SEPTIN6: variants seen among roughly 807,000 people sequenced by gnomAD.
SEPTIN6 encodes septin-6.
A neutral mutation model predicts 33.6 loss-of-function variants in SEPTIN6; 8 were observed. That is an observed-to-expected ratio of 0.24 (90% CI 0.14 to 0.43). The LOEUF (loss-of-function observed/expected upper bound fraction) is 0.43. Ranked by LOEUF, SEPTIN6 falls within the 20% of genes least tolerant of loss-of-function variation. The pLI, the probability that SEPTIN6 is intolerant of heterozygous loss-of-function variation, is 1.00. For synonymous variants in SEPTIN6, 131 were observed against 140.0 expected, an observed-to-expected ratio of 0.94 and a Z score of 0.45; for missense variants, 250 against 340.8, an observed-to-expected ratio of 0.73 and a Z score of 2.10.
intron 3 of SEPTIN6, among the ~76,000 whole-genome samples, chrX:119,661,301 C>T (rs376451744): frequency 3.7e-5 from 4 of 107,327 alleles, no homozygotes; most frequent in Admixed American, 1.0e-4. Context: ...TGTGGTGGCA[C>T]GAGCCTGTAG....
chrX:119,633,570 T>C, intron 7 of SEPTIN6, 78 bp from the exon 8 acceptor site: 4 of 1,085,860 alleles, frequency 3.7e-6, no homozygotes, highest in Non-Finnish European at 4.9e-6. Context: ...AGATCCTCAC[T>C]GGGTTCCTCT....
At chrX:119,688,982 C>A (rs1218312218) in intron 1 of SEPTIN6, among the ~76,000 whole-genome samples, 1 of 110,794 alleles carries the variant, frequency 9.0e-6, no homozygotes, top group African/African-American at 3.3e-5. Flanking sequence ...GGGTAACTGC[C>A]ACGTGATGAT....
chrX:119,686,521 TGAG>T (rs1418176733), intron 1 of SEPTIN6: 2 of 795,032 alleles, frequency 2.5e-6, no homozygotes, highest in African/African-American at 4.3e-5. Context: ...CTGCCTCTAA[TGAG>T]AAGACACTGA....
intron 5 of SEPTIN6, among the ~76,000 whole-genome samples, chrX:119,645,144 G>T (rs5957197): frequency 0.2 from 21,541 of 107,982 alleles, 1,681 homozygotes; most frequent in South Asian, 0.23. Context: ...CTGACCTTGG[G>T]TGATCCACCC....
intron 1 of SEPTIN6, among the ~76,000 whole-genome samples, chrX:119,678,810 CT>C (rs2054893630): frequency 9.0e-6 from 1 of 111,118 alleles, no homozygotes; most frequent in Non-Finnish European, 1.9e-5. Context: ...GTTATCACCC[CT>C]GGCTGCCTCT....
At chrX:119,687,255 T>TC (rs67188076) in intron 1 of SEPTIN6, among the ~76,000 whole-genome samples, 1 of 104,120 alleles carries the variant, frequency 9.6e-6, no homozygotes, top group African/African-American at 3.5e-5. Flanking sequence ...TGTCTTTTTT[T>TC]TTTTTTCTTT....
At chrX:119,639,587 T>C (rs2054119302) in intron 6 of SEPTIN6, among the ~76,000 whole-genome samples, 1 of 111,932 alleles carries the variant, frequency 8.9e-6, no homozygotes, top group Admixed American at 9.5e-5. Context: ...GGTTAAACAT[T>C]ACCAGTACCT....
chrX:119,617,646 T>A lies in SEPTIN6; in HGVS notation c.*2447A>T. 1 of 804,943 alleles carries A rather than the reference T, an allele frequency of 1.2e-6. No individual in the cohort carries two copies. The highest frequency in any genetic ancestry group is 6.5e-5 in the South Asian group (1 of 15,276). 66.3% of individuals were successfully genotyped at this position (804,943 alleles called of 1,213,427 possible). ...CATCAAAAGACCTCGTATCCAGGAA[T>A]GTAACGTATATAAACAGATTGAATC... On this transcript the variant is annotated 3_prime_UTR_variant, in exon 11 of 11. Coordinates refer to ENST00000394610, the MANE Select transcript of SEPTIN6 (RefSeq NM_145799.4).
rs1402444365 is a variant in SEPTIN6 at position 119,628,271 on chromosome X, T to C, written c.1280+1047A>G. Among the ~76,000 whole-genome samples, 4 of 100,175 alleles carry C rather than the reference T, an allele frequency of 4.0e-5. No homozygotes were observed. The Admixed American group carries it at 4.2e-4, about 11-fold the overall frequency. 87.0% of individuals were successfully genotyped at this position (100,175 alleles called of 115,157 possible). A position where few individuals can be genotyped will look rare whatever the true frequency, so the allele number is the denominator to read the frequency against. On this transcript the variant is annotated intron_variant, in intron 9 of 10. Transcript: ENST00000394610. ...CTGAGTAGTTGGGACTACAGGCAGC[T>C]AATTTCTGTATTTTTTTTTTTTTTT...
chrX:119,626,551 C>T (rs1026940085), intron 9 of SEPTIN6, among the ~76,000 whole-genome samples: 57 of 112,014 alleles, frequency 5.1e-4, no homozygotes, highest in African/African-American at 1.8e-3. Context: ...TAATACAGTA[C>T]AGGGTGTGTC....
chrX:119,676,464 CAAA>C (rs36057688), intron 1 of SEPTIN6, among the ~76,000 whole-genome samples: 2 of 84,486 alleles, frequency 2.4e-5, no homozygotes, highest in African/African-American at 4.2e-5. Context: ...AACTCTGTCT[CAAA>C]AAAAAAAAAA....
At chrX:119,648,684 C>T (rs2054305126) in intron 5 of SEPTIN6, among the ~76,000 whole-genome samples, 1 of 111,466 alleles carries the variant, frequency 9.0e-6, no homozygotes, top group South Asian at 3.7e-4. Context: ...CAATGACTTG[C>T]TGCCCTGCTA....
At chrX:119,655,117 C>A (rs1427036137) in intron 3 of SEPTIN6, among the ~76,000 whole-genome samples, 1 of 110,070 alleles carries the variant, frequency 9.1e-6, no homozygotes, top group Non-Finnish European at 1.9e-5. Context: ...CTCCCCCACA[C>A]ACCCCGAAAT....
intron 1 of SEPTIN6, among the ~76,000 whole-genome samples, chrX:119,677,662 A>T (rs2147630859): frequency 8.9e-6 from 1 of 112,306 alleles, no homozygotes; most frequent in Non-Finnish European, 1.9e-5. Context: ...TCACACTGAA[A>T]GGGGTGGGGT....
At position 119,633,395 on chromosome X, in the gene SEPTIN6, C is replaced by T. The variant is rs769262072; in HGVS notation, c.1054G>A (p.Glu352Lys). The change falls in exon 8 of 11, where the codon GAG (glutamate) becomes AAG (lysine). Residue 352 changes from glutamate (E) to lysine (K), a missense_variant. Glu to Lys is a moderately conservative substitution (Grantham distance 56, BLOSUM62 1). Coordinates refer to ENST00000394610, the MANE Select transcript of SEPTIN6 (RefSeq NM_145799.4). ...GCCTCTTTGAGCTCCGCTTCTTTCT[C>T]TTTGACTCGCTGGACGAACATCTGT... ...MRQMFVQRVK[E>K]KEAELKEAEK... The T allele has an allele frequency of 8.3e-7, 1 of 1,211,023 alleles. No individual in the cohort carries two copies. The highest frequency in any genetic ancestry group is 1.7e-5 in the African/African-American group (1 of 57,846).
intron 1 of SEPTIN6, among the ~76,000 whole-genome samples, chrX:119,688,428 G>T (rs1475832428): frequency 9.0e-6 from 1 of 111,450 alleles, no homozygotes; most frequent in Non-Finnish European, 1.9e-5. Context: ...AAAATCCCAG[G>T]CCGGGCGCTG....
Position 119,640,766 on chromosome X carries a change from A to G in SEPTIN6, c.713T>C (p.Ile238Thr). 8.3e-6 allele frequency: 10 copies of G among 1,209,472 alleles called. No homozygotes were observed. Among genetic ancestry groups the G allele is most frequent in the Non-Finnish European group, 1.1e-5 (10 of 893,733 alleles). ...TMNAHLPFAVIGSTEELKIGN... is the reference protein window; with the variant it reads ...TMNAHLPFAVTGSTEELKIGN... The stretch of plus-strand genomic sequence containing the variant: ...TATCTTCAGTTCTTCTGTGCTGCCA[A>G]TGACAGCAAACGGCAGGTGGGCCTG... Residue 238 changes from isoleucine (I) to threonine (T), a missense_variant, in exon 6 of 11, where the codon ATT becomes ACT. Physicochemically the swap from Ile to Thr is moderately conservative, Grantham distance 89. Around this residue, in one of 2 missense-constraint regions of SEPTIN6, gnomAD observed 139 missense variants for 227.0 expected, o/e 0.61. Coordinates refer to ENST00000394610, the MANE Select transcript of SEPTIN6 (RefSeq NM_145799.4).
At chrX:119,676,446 A>C (rs1474165038) in intron 1 of SEPTIN6, among the ~76,000 whole-genome samples, 3 of 101,978 alleles carry the variant, frequency 2.9e-5, no homozygotes, top group African/African-American at 1.1e-4. Context: ...CCTGGGCAAT[A>C]AGAGCGAAAC....
chrX:119,661,418 G>A (rs1003322330), intron 3 of SEPTIN6, among the ~76,000 whole-genome samples: 6 of 110,835 alleles, frequency 5.4e-5, no homozygotes, highest in Non-Finnish European at 9.4e-5. Context: ...GCAACAGAGC[G>A]AGACTCCGTC....
Sources: gnomAD v4.1 joint callset for allele counts (sites outside exome capture counted in the v4.1 genomes callset) on GRCh38, gnomAD v4.1.1 for gene constraint, gnomAD v4.1.1 regional missense constraint, MANE v1.5 for transcripts, NCBI Gene and HGNC (gene_info 2026-07-23, HGNC 2026-07-21) for gene names.